Variants in CFAP54 observed in about 807,000 individuals in gnomAD.
CFAP54 encodes the protein cilia and flagella associated protein 54.
A neutral mutation model predicts 370.4 loss-of-function variants in CFAP54; 290 were observed. That is an observed-to-expected ratio of 0.78 (90% confidence interval 0.71 to 0.86). The LOEUF is 0.86. Ranked by LOEUF, CFAP54 falls within the 40% of genes least tolerant of loss-of-function variation. The probability of loss-of-function intolerance (pLI) is 0.00; values close to 1 mark genes in which losing one functional copy is unlikely to be tolerated. For synonymous variants in CFAP54, 1,206 were observed against 1,236.5 expected (o/e 0.98, Z 0.52); for missense variants, 3,399 against 3,528.7 (o/e 0.96, Z 0.93).
intron 9 of CFAP54, among the ~76,000 whole-genome samples, chr12:96,530,891 C>G (rs1955434849): frequency 6.6e-6 from 1 of 152,124 alleles, no homozygotes; most frequent in African/African-American, 2.4e-5. Flanking sequence ...GTAGTAATAT[C>G]CCACTGTGAC....
At position 96,753,878 on chromosome 12, in the gene CFAP54, C is replaced by T; in HGVS notation, c.7820C>T (p.Ala2607Val). 2 of 1,613,724 alleles carry T rather than the reference C, an allele frequency of 1.2e-6. No homozygotes were observed. The highest frequency in any genetic ancestry group is 1.7e-6 in the Non-Finnish European group (2 of 1,179,784). The change falls in exon 56 of 68, where the codon GCT becomes GTT. Residue 2607 changes from alanine to valine, a missense_variant. Ala to Val is a moderately conservative substitution (Grantham distance 64). Coordinates refer to ENST00000524981, the MANE Select transcript of CFAP54 (RefSeq NM_001306084.2). ...TTAVEEHEVEAEILFQKGKIE... is the reference protein window; with the variant it reads ...TTAVEEHEVEVEILFQKGKIE... ...GCAGTGGAGGAACATGAGGTGGAAG[C>T]TGAAATCCTTTTTCAGAAAGGTAAA...
chr12:96,683,226 G>T (rs1957290615), intron 40 of CFAP54, among the ~76,000 whole-genome samples: 1 of 152,162 alleles, frequency 6.6e-6, no homozygotes, highest in East Asian at 1.9e-4. Flanking sequence ...AAATGCTTAG[G>T]CATTAGAAGC....
At position 96,757,485 on chromosome 12, in the gene CFAP54, A is replaced by C. The variant is rs758639546; in HGVS notation, c.7947-10A>C. On this transcript the variant is annotated splice_polypyrimidine_tract_variant and intron_variant, in intron 57 of 67. Transcript: ENST00000524981. ...AGCTATTTAATAAGTACAGTGCTAT[A>C]TCATTTTAGATTGATAAGAGACTCC... 1 of 1,469,498 alleles carries C rather than the reference A, an allele frequency of 6.8e-7. No individual in the cohort carries two copies. Among genetic ancestry groups the C allele is most frequent in the South Asian group, 1.2e-5 (1 of 85,492 alleles). 91.0% of individuals were successfully genotyped at this position (1,469,498 alleles called of 1,614,324 possible).
intron 45 of CFAP54, among the ~76,000 whole-genome samples, chr12:96,694,487 A>ACGCACACACACACACGCG (rs1957419585): frequency 6.6e-6 from 1 of 151,850 alleles, no homozygotes; most frequent in Admixed American, 6.6e-5. Flanking sequence ...TTTATATCTT[A>ACGCACACACACACACGCG]CGCACACACA....
At chr12:96,634,689 T>C (rs113997820) in intron 32 of CFAP54, among the ~76,000 whole-genome samples, 1 of 152,166 alleles carries the variant, frequency 6.6e-6, no homozygotes. Context: ...GTCCTTTTTT[T>C]CCCCTGCTAA....
At chr12:96,564,931 C>T (rs1955851930) in intron 19 of CFAP54, 166 bp downstream of exon 19, 2 of 372,788 alleles carry the variant, frequency 5.4e-6, no homozygotes, top group Non-Finnish European at 9.5e-6. Context: ...TTCGTACCTC[C>T]AGTTCTGAAT....
intron 58 of CFAP54, among the ~76,000 whole-genome samples, chr12:96,760,117 G>A (rs1343691950): frequency 6.6e-6 from 1 of 152,150 alleles, no homozygotes; most frequent in Non-Finnish European, 1.5e-5. Flanking sequence ...AATTTGTCAA[G>A]GTGGAGAAGT....
chr12:96,810,568 A>G (rs562760276), intron 63 of CFAP54, among the ~76,000 whole-genome samples: 49 of 152,208 alleles, frequency 3.2e-4, no homozygotes, highest in Non-Finnish European at 6.2e-4. Context: ...ACAGGAAAAT[A>G]ACAAGAGAAT....
At chr12:96,642,815 T>G (rs1463944008) in intron 32 of CFAP54, among the ~76,000 whole-genome samples, 1 of 152,212 alleles carries the variant, frequency 6.6e-6, no homozygotes, top group Admixed American at 6.5e-5. Flanking sequence ...TGAGACTTGT[T>G]GCTCATGAAG....
At chr12:96,728,640 G>A (rs1479378804) in intron 50 of CFAP54, among the ~76,000 whole-genome samples, 1 of 152,154 alleles carries the variant, frequency 6.6e-6, no homozygotes, top group Non-Finnish European at 1.5e-5. Context: ...CTGTAGCTCG[G>A]AGTAGTTTGA....
At chr12:96,745,843 G>C (rs1311167822) in intron 55 of CFAP54, among the ~76,000 whole-genome samples, 1 of 152,156 alleles carries the variant, frequency 6.6e-6, no homozygotes, top group Non-Finnish European at 1.5e-5. Context: ...TATGAGTCAA[G>C]GTCCCTTGAA....
At chr12:96,573,462 T>A (rs1302827486) in intron 19 of CFAP54, among the ~76,000 whole-genome samples, 1 of 152,132 alleles carries the variant, frequency 6.6e-6, no homozygotes, top group Admixed American at 6.5e-5. Flanking sequence ...TGTTCTGTGG[T>A]ACATTCGTCC....
intron 60 of CFAP54, among the ~76,000 whole-genome samples, chr12:96,765,978 A>G (rs1244012400): frequency 6.6e-6 from 1 of 152,202 alleles, no homozygotes; most frequent in Non-Finnish European, 1.5e-5. Context: ...GCTAAGAAGC[A>G]AGACACTAGT....
intron 51 of CFAP54, among the ~76,000 whole-genome samples, chr12:96,740,890 A>G (rs10860083): frequency 0.38 from 57,441 of 151,982 alleles, 12,015 homozygotes; most frequent in East Asian, 0.68. Context: ...TAGAGGCCAG[A>G]GAAGTTGCTA....
chr12:96,762,771 G>GC (rs1452350667), intron 58 of CFAP54, among the ~76,000 whole-genome samples: 4 of 149,958 alleles, frequency 2.7e-5, no homozygotes, highest in Admixed American at 1.3e-4. Context: ...AATGATTAGG[G>GC]TTTTTTTTTT....
chr12:96,708,860 C>T, intron 48 of CFAP54, 57 bp downstream of exon 48: 1 of 1,347,882 alleles, frequency 7.4e-7, no homozygotes, highest in Non-Finnish European at 1.0e-6. Flanking sequence ...TAACTGTTCT[C>T]CCAGCCCCCA....
chr12:96,699,966 T>A lies in CFAP54; in HGVS notation c.6352-5T>A, dbSNP rs769048029. On this transcript the variant is annotated splice_region_variant and splice_polypyrimidine_tract_variant and intron_variant, in intron 45 of 67. Coordinates refer to ENST00000524981, the MANE Select transcript of CFAP54 (RefSeq NM_001306084.2). ...AAGTACCTCATTATTTCCTTTCCTT[T>A]ACAGATAGAAGTCCTTATAGATTTG... 6.4e-7 allele frequency: 1 copy of A among 1,555,502 alleles called. No homozygotes were observed. Among genetic ancestry groups the A allele is most frequent in the Non-Finnish European group, 8.7e-7 (1 of 1,142,916 alleles).
At chr12:96,537,929 A>C (rs553362735) in intron 12 of CFAP54, among the ~76,000 whole-genome samples, 15 of 152,172 alleles carry the variant, frequency 9.9e-5, no homozygotes, top group African/African-American at 3.6e-4. Context: ...ATCTACTAAA[A>C]ATACAAAAAT....
intron 39 of CFAP54, among the ~76,000 whole-genome samples, chr12:96,669,357 G>A (rs1957118900): frequency 6.6e-6 from 1 of 152,224 alleles, no homozygotes; most frequent in African/African-American, 2.4e-5. Flanking sequence ...CAAAGGCCGA[G>A]AAGTGTTATA....
Sources: gnomAD v4.1 joint callset for allele counts (sites outside exome capture counted in the v4.1 genomes callset) on GRCh38, gnomAD v4.1.1 for gene constraint, MANE v1.5 for transcripts, NCBI Gene and HGNC (gene_info 2026-07-23, HGNC 2026-07-21) for gene names.